Variants in SFXN4 observed in about 807,000 individuals in gnomAD.
The protein encoded by SFXN4 is sideroflexin 4.
Under a neutral mutation model 54.6 loss-of-function variants are expected in SFXN4, and 48 were observed. The observed-to-expected ratio is 0.88, with a 90% CI of 0.70 to 1.12. The LOEUF (loss-of-function observed/expected upper bound fraction) is 1.12. SFXN4 is among the 50% of genes most tolerant of loss of function. SFXN4 has a pLI of 0.00. For synonymous variants in SFXN4, 130 were observed against 145.5 expected (o/e 0.89, Z 0.77); for missense variants, 383 against 409.2 (o/e 0.94, Z 0.55).
intron 9 of SFXN4, among the ~76,000 whole-genome samples, chr10:119,157,395 C>T (rs1421545888): frequency 6.9e-6 from 1 of 145,554 alleles, no homozygotes; most frequent in East Asian, 2.0e-4. Context: ...CATGCTACTG[C>T]ACTCCAACCT....
chr10:119,155,967 A>C (rs1022792329), intron 10 of SFXN4, among the ~76,000 whole-genome samples: 3 of 152,128 alleles, frequency 2.0e-5, no homozygotes, highest in African/African-American at 7.2e-5. Flanking sequence ...CTGGGTTGGA[A>C]TCTCTATACT....
At chr10:119,159,618 G>T in intron 6 of SFXN4, 110 bp downstream of exon 6, 1 of 1,117,788 alleles carries the variant, frequency 8.9e-7, no homozygotes, top group Non-Finnish European at 1.4e-6. Flanking sequence ...CATCTATCAG[G>T]CAGTCATGTG....
At chr10:119,161,427 C>CAAAAAAA (rs1254206919) in intron 3 of SFXN4, among the ~76,000 whole-genome samples, 1 of 116,686 alleles carries the variant, frequency 8.6e-6, no homozygotes, top group Non-Finnish European at 1.7e-5. Flanking sequence ...ACAACAACAA[C>CAAAAAAA]AAAAAAAAAC....
rs779149038 is a variant in SFXN4, at chr10:119,165,693, G to A, written c.-46C>T. On this transcript the variant is annotated 5_prime_UTR_variant, in exon 1 of 14. Transcript: ENST00000355697. Reference sequence around the variant, plus strand: ...CGCCGCCGCCAGGCCGCGCGTGGAGGAGGAGCCGGGCGGCGAGCCCCGCCC... The same window carrying A: ...CGCCGCCGCCAGGCCGCGCGTGGAGAAGGAGCCGGGCGGCGAGCCCCGCCC... 5.6e-6 allele frequency: 8 copies of A among 1,437,832 alleles called. No homozygotes were observed. The African/African-American group carries it at 1.2e-4, about 21-fold the overall frequency. The allele number at this position is 1,437,832 out of a possible 1,614,324, so 89.1% of individuals were successfully genotyped here.
intron 2 of SFXN4, among the ~76,000 whole-genome samples, chr10:119,163,013 G>C (rs1269483919): frequency 6.6e-6 from 1 of 152,036 alleles, no homozygotes; most frequent in Non-Finnish European, 1.5e-5. Context: ...GCCCAGGCTG[G>C]TCTCAAATTC....
chr10:119,141,507 C>CTTTTTT (rs1234472904), intron 13 of SFXN4, among the ~76,000 whole-genome samples, 188 bp from the exon 14 acceptor site: 6 of 113,352 alleles, frequency 5.3e-5, no homozygotes, highest in Non-Finnish European at 8.8e-5. Context: ...ACTTCTTAAA[C>CTTTTTT]TTTTTTTTTT....
intron 1 of SFXN4, 72 bp from the exon 2 acceptor site, chr10:119,164,268 C>CATTTT: frequency 2.0e-6 from 1 of 504,254 alleles, no homozygotes; most frequent in Non-Finnish European, 3.3e-6. Flanking sequence ...TAACAGTTGG[C>CATTTT]TTTTTTTTTT....
At chr10:119,153,309 G>A (rs1043031700) in intron 11 of SFXN4, among the ~76,000 whole-genome samples, 6 of 150,898 alleles carry the variant, frequency 4.0e-5, no homozygotes, top group Middle Eastern at 3.2e-3. Context: ...TACTTGGAAG[G>A]CTGAGGTGAG....
chr10:119,164,347 C>A, intron 1 of SFXN4, 151 bp from the exon 2 acceptor site: 1 of 566,792 alleles, frequency 1.8e-6, no homozygotes, highest in Non-Finnish European at 3.1e-6. Flanking sequence ...ATCCTCCCAA[C>A]CTCTCCAGGT....
At chr10:119,153,934 T>C (rs1169756392) in intron 11 of SFXN4, among the ~76,000 whole-genome samples, 2 of 152,166 alleles carry the variant, frequency 1.3e-5, no homozygotes, top group Non-Finnish European at 2.9e-5. Context: ...TCCCCGTACG[T>C]TGGGAGGCCG....
Position 119,155,102 on chromosome 10 carries a change from T to G in SFXN4, c.692A>C (p.Glu231Ala). 2 of 1,614,134 alleles carry G rather than the reference T, an allele frequency of 1.2e-6. No individual in the cohort carries two copies. Among genetic ancestry groups the G allele is most frequent in the South Asian group, 2.2e-5 (2 of 91,084 alleles). Residue 231 changes from glutamate (E) to alanine (A), a missense_variant, in exon 11 of 14, where the codon GAA becomes GCA. Physicochemically the swap from Glu to Ala is moderately radical, Grantham distance 107. Transcript: ENST00000355697. ...SIKGIAVMDKEGNVLGHSRIA... is the reference protein window; with the variant it reads ...SIKGIAVMDKAGNVLGHSRIA... ...TCTGGAATGACCCAGGACATTGCCT[T>G]CCTTGTCCATGACCGCAATCCCCTT... is the stretch of plus-strand genomic sequence containing the variant.
chr10:119,147,343 C>T (rs952908938), intron 12 of SFXN4, among the ~76,000 whole-genome samples: 6 of 152,218 alleles, frequency 3.9e-5, no homozygotes, highest in African/African-American at 9.6e-5. Context: ...GCCTCGTAGG[C>T]CATTTCTGGC....
At chr10:119,165,269 A>C in intron 1 of SFXN4, 1 of 1,184,918 alleles carries the variant, frequency 8.4e-7, no homozygotes, top group Non-Finnish European at 1.1e-6. Flanking sequence ...GGGAGCAGCC[A>C]CCTGCGCGGA....
At chr10:119,152,420 C>T (rs111778088) in intron 11 of SFXN4, among the ~76,000 whole-genome samples, 2,432 of 152,106 alleles carry the variant, frequency 0.016, 69 homozygotes, top group African/African-American at 0.056. Flanking sequence ...GCTGGGATTA[C>T]AGGCACCCGC....
chr10:119,159,635 G>A (rs1589645947), intron 6 of SFXN4, 93 bp downstream of exon 6: 3 of 1,322,834 alleles, frequency 2.3e-6, no homozygotes, highest in East Asian at 2.3e-5. Flanking sequence ...TGTGACAGGG[G>A]TCCGGAGCTG....
In SFXN4 at chr10:119,158,235, T is replaced by C. The variant is rs1589643899; in HGVS notation, c.361-173A>G. 1.6e-5 allele frequency: 10 copies of C among 643,064 alleles called. No homozygotes were observed. In the East Asian group the frequency reaches 2.7e-4, roughly 18 times the overall value. The allele number at this position is 643,064 out of a possible 1,614,324, so 39.8% of individuals were successfully genotyped here. On this transcript the variant is annotated intron_variant, in intron 6 of 13. Transcript: ENST00000355697. ...CCGTAGACAAGGTTGAGTGAGCACCTGCCAAACACCAAACTAGCAGCTCTA... is the reference window on the plus strand; with the variant it reads ...CCGTAGACAAGGTTGAGTGAGCACCCGCCAAACACCAAACTAGCAGCTCTA...
rs1165349513 is a variant in SFXN4 at position 119,165,585 on chromosome 10, G to A, written c.63C>T (p.Val21=). 3 of 1,594,116 alleles carry A rather than the reference G, an allele frequency of 1.9e-6. No individual in the cohort carries two copies. In the African/African-American group the frequency reaches 4.2e-5, roughly 22 times the overall value. The change falls in exon 1 of 14, where the codon GTC becomes GTT. Residue 21 remains valine (V), a synonymous_variant. Transcript: ENST00000355697. ...GCACGTTGGGCTCAATGAAGGCGGGGACGGCGTCTCTGCGTCCTAGGAGCC... is the reference window on the plus strand; with the variant it reads ...GCACGTTGGGCTCAATGAAGGCGGGAACGGCGTCTCTGCGTCCTAGGAGCC... ...PGRLLGRRDA[V]PAFIEPNVRF...
chr10:119,147,122 A>C (rs1416120603), intron 12 of SFXN4, among the ~76,000 whole-genome samples: 1 of 152,146 alleles, frequency 6.6e-6, no homozygotes, highest in Admixed American at 6.5e-5. Flanking sequence ...AATATGAAGA[A>C]GCCAATCTGG....
At chr10:119,149,643 G>A (rs187055234) in intron 11 of SFXN4, among the ~76,000 whole-genome samples, 150 of 152,174 alleles carry the variant, frequency 9.9e-4, no homozygotes, top group Non-Finnish European at 2.0e-3. Flanking sequence ...CCAGCTACTC[G>A]GGAGACTGAG....
Sources: allele counts gnomAD v4.1 joint callset (sites outside exome capture counted in the v4.1 genomes callset), GRCh38; gene constraint gnomAD v4.1.1; transcripts MANE v1.5; gene names NCBI Gene and HGNC (gene_info 2026-07-23, HGNC 2026-07-21).